ROBO1: variants seen among roughly 807,000 people sequenced by gnomAD.
The protein encoded by ROBO1 is roundabout homolog 1.
ROBO1 carries 149 observed loss-of-function variants against 195.9 expected under a neutral mutation model. The observed-to-expected ratio is 0.76, with a 90% confidence interval of 0.67 to 0.87. The LOEUF (loss-of-function observed/expected upper bound fraction) is 0.87. Ranked by LOEUF, ROBO1 falls within the 40% of genes least tolerant of loss-of-function variation. The pLI, the probability that ROBO1 is intolerant of heterozygous loss-of-function variation, is 0.00. For synonymous variants in ROBO1, 816 were observed against 733.2 expected (o/e 1.11, Z -1.82); for missense variants, 1,933 against 2,068.3 (o/e 0.93, Z 1.27).
chr3:79,684,736 C>T (rs941697526), intron 1 of ROBO1, among the ~76,000 whole-genome samples: 11 of 152,068 alleles, frequency 7.2e-5, no homozygotes, highest in Admixed American at 1.3e-4. Flanking sequence ...AGTGCAGTGA[C>T]GTGATCTCGG....
intron 1 of ROBO1, among the ~76,000 whole-genome samples, chr3:79,728,094 G>C (rs578145506): frequency 1.4e-4 from 21 of 150,780 alleles, no homozygotes; most frequent in Admixed American, 2.7e-4. Flanking sequence ...GTGTGTATTT[G>C]TGTGTGTAAA....
At chr3:78,644,590 T>C (rs1298014395) in intron 21 of ROBO1, among the ~76,000 whole-genome samples, 1 of 152,146 alleles carries the variant, frequency 6.6e-6, no homozygotes, top group Non-Finnish European at 1.5e-5. Context: ...AGGGATTTTA[T>C]TTTTAACTTT....
chr3:78,945,193 T>A (rs1028699934), intron 3 of ROBO1, among the ~76,000 whole-genome samples: 1 of 152,092 alleles, frequency 6.6e-6, no homozygotes, highest in African/African-American at 2.4e-5. Flanking sequence ...GCACGCAGCT[T>A]GAGATCTGAG....
intron 2 of ROBO1, among the ~76,000 whole-genome samples, chr3:79,170,655 C>T (rs1371799469): frequency 6.6e-6 from 1 of 151,900 alleles, no homozygotes; most frequent in Non-Finnish European, 1.5e-5. Flanking sequence ...AAAATGTTGC[C>T]TCACACATAT....
chr3:78,705,529 C>T (rs1437996905), intron 8 of ROBO1, among the ~76,000 whole-genome samples: 1 of 152,186 alleles, frequency 6.6e-6, no homozygotes, highest in African/African-American at 2.4e-5. Flanking sequence ...TTAATTCACT[C>T]ACACAGAAAA....
intron 2 of ROBO1, among the ~76,000 whole-genome samples, chr3:79,214,367 T>A (rs2108809899): frequency 6.6e-6 from 1 of 152,310 alleles, no homozygotes; most frequent in African/African-American, 2.4e-5. Context: ...AACCAAATGT[T>A]GGGTCACATA....
intron 4 of ROBO1, among the ~76,000 whole-genome samples, chr3:78,891,331 A>AG (rs2036878709): frequency 6.7e-6 from 1 of 149,404 alleles, no homozygotes. Flanking sequence ...AAAAGATATA[A>AG]GAATGGCCAA....
intron 8 of ROBO1, among the ~76,000 whole-genome samples, chr3:78,708,358 G>C (rs1261831292): frequency 2.6e-5 from 4 of 151,768 alleles, no homozygotes; most frequent in Non-Finnish European, 4.4e-5. Context: ...AAATTTTATA[G>C]GGTTTGTTAT....
chr3:79,021,801 C>T (rs2078108875), intron 3 of ROBO1, among the ~76,000 whole-genome samples: 1 of 152,014 alleles, frequency 6.6e-6, no homozygotes, highest in African/African-American at 2.4e-5. Flanking sequence ...GCTGGGACTA[C>T]AGGCGCCCGC....
intron 2 of ROBO1, among the ~76,000 whole-genome samples, chr3:79,472,941 A>G (rs918001529): frequency 3.3e-5 from 5 of 152,176 alleles, no homozygotes; most frequent in African/African-American, 1.2e-4. Flanking sequence ...ATTAGATATT[A>G]GCTAGGTGAG....
intron 3 of ROBO1, among the ~76,000 whole-genome samples, chr3:78,977,100 T>C (rs572002312): frequency 6.6e-6 from 1 of 152,320 alleles, no homozygotes; most frequent in Admixed American, 6.5e-5. Flanking sequence ...CTTCTTTCTC[T>C]TGTAAAATAA....
intron 1 of ROBO1, among the ~76,000 whole-genome samples, chr3:79,710,537 C>G (rs1445412371): frequency 6.6e-6 from 1 of 152,024 alleles, no homozygotes; most frequent in Non-Finnish European, 1.5e-5. Flanking sequence ...ATTTCCCATC[C>G]AAAAATAGCC....
intron 1 of ROBO1, among the ~76,000 whole-genome samples, chr3:79,651,980 T>G (rs896394997): frequency 6.6e-6 from 1 of 152,142 alleles, no homozygotes; most frequent in Non-Finnish European, 1.5e-5. Flanking sequence ...TATTTATAGA[T>G]AGCAATTGCT....
At chr3:78,776,783 G>C (rs376292109) in intron 4 of ROBO1, among the ~76,000 whole-genome samples, 8 of 152,150 alleles carry the variant, frequency 5.3e-5, no homozygotes, top group African/African-American at 1.9e-4. Flanking sequence ...CATTTACTTA[G>C]TATCTGGCTT....
At chr3:79,756,266 A>G (rs1704388780) in intron 1 of ROBO1, among the ~76,000 whole-genome samples, 1 of 151,990 alleles carries the variant, frequency 6.6e-6, no homozygotes, top group Non-Finnish European at 1.5e-5. Flanking sequence ...AAGTACACAT[A>G]TTGGGCTGGG....
intron 8 of ROBO1, among the ~76,000 whole-genome samples, chr3:78,712,196 T>C (rs1317935470): frequency 1.3e-5 from 2 of 152,120 alleles, no homozygotes; most frequent in Non-Finnish European, 2.9e-5. Context: ...ACATCAATGA[T>C]CAAAATTAAA....
At chr3:78,999,806 TACA>T (rs2077456268) in intron 3 of ROBO1, among the ~76,000 whole-genome samples, 1 of 152,152 alleles carries the variant, frequency 6.6e-6, no homozygotes. Context: ...TCAGTATACA[TACA>T]ACATGATTTT....
At chr3:78,794,291 C>T (rs529940899) in intron 4 of ROBO1, among the ~76,000 whole-genome samples, 12 of 152,088 alleles carry the variant, frequency 7.9e-5, no homozygotes, top group Non-Finnish European at 1.3e-4. Flanking sequence ...CATTGGATTA[C>T]TATGAGAATC....
At chr3:79,291,912 A>G (rs969288011) in intron 2 of ROBO1, among the ~76,000 whole-genome samples, 2 of 152,206 alleles carry the variant, frequency 1.3e-5, no homozygotes, top group Non-Finnish European at 2.9e-5. Flanking sequence ...CTACCCTGCA[A>G]AGCTGATTTG....
Sources: gnomAD v4.1 joint callset for allele counts (sites outside exome capture counted in the v4.1 genomes callset) on GRCh38, gnomAD v4.1.1 for gene constraint, MANE v1.5 for transcripts, NCBI Gene and HGNC (gene_info 2026-07-23, HGNC 2026-07-21) for gene names.